CHRM3: variants seen among roughly 807,000 people sequenced by gnomAD.
The protein encoded by CHRM3 is muscarinic acetylcholine receptor M3.
In CHRM3, 11 loss-of-function variants were observed where a neutral mutation model predicts 41.8. The observed-to-expected ratio is 0.26, with a 90% confidence interval of 0.17 to 0.44. CHRM3 has a LOEUF of 0.44. Among genes scored for constraint, CHRM3 ranks in the 20% least tolerant of loss-of-function variants. CHRM3 has a pLI of 1.00. For missense variants in CHRM3, 571 were observed against 745.4 expected (o/e 0.77, Z 2.72); for synonymous variants, 297 against 301.4 (o/e 0.99, Z 0.15).
intron 1 of CHRM3, among the ~76,000 whole-genome samples, chr1:239,492,208 ATACCTACC>A (rs199732269): frequency 6.6e-6 from 1 of 152,096 alleles, no homozygotes; most frequent in Non-Finnish European, 1.5e-5. Context: ...AAGTCAGCAG[ATACCTACC>A]TACCTACCTA....
intron 5 of CHRM3, among the ~76,000 whole-genome samples, chr1:239,696,525 T>A (rs1660207248): frequency 6.6e-6 from 1 of 152,090 alleles, no homozygotes; most frequent in African/African-American, 2.4e-5. Context: ...ATGAGACCTA[T>A]GAAAACACCC....
chr1:239,584,108 CTTTTTTTTTT>C (rs769127124), intron 3 of CHRM3, among the ~76,000 whole-genome samples: 1 of 124,424 alleles, frequency 8.0e-6, no homozygotes, highest in African/African-American at 3.2e-5. Flanking sequence ...TCTTCTTCTT[CTTTTTTTTTT>C]TTTTTTTTTT....
At chr1:239,833,172 G>A (rs1401640801) in intron 6 of CHRM3, among the ~76,000 whole-genome samples, 3 of 152,190 alleles carry the variant, frequency 2.0e-5, no homozygotes, top group African/African-American at 7.2e-5. Flanking sequence ...CTTGTTGTAA[G>A]TATGGGCCAG....
chr1:239,481,004 A>G (rs898586091), intron 1 of CHRM3, among the ~76,000 whole-genome samples: 1 of 152,242 alleles, frequency 6.6e-6, no homozygotes, highest in African/African-American at 2.4e-5. Flanking sequence ...CATTATTTAC[A>G]TGAACAGAAG....
intron 4 of CHRM3, among the ~76,000 whole-genome samples, chr1:239,653,926 A>G (rs1672469913): frequency 6.6e-6 from 1 of 152,230 alleles, no homozygotes; most frequent in Non-Finnish European, 1.5e-5. Flanking sequence ...CAAAGCTTGA[A>G]GCACATGAAG....
intron 6 of CHRM3, among the ~76,000 whole-genome samples, chr1:239,854,348 A>T (rs1572495706): frequency 6.6e-6 from 1 of 152,128 alleles, no homozygotes; most frequent in East Asian, 1.9e-4. Context: ...TGTGCCAGAG[A>T]CTATTCTGTC....
chr1:239,856,514 C>T (rs758977358), intron 6 of CHRM3, among the ~76,000 whole-genome samples: 2 of 152,084 alleles, frequency 1.3e-5, no homozygotes, highest in Non-Finnish European at 2.9e-5. Context: ...TTTCCTGAGG[C>T]CTTTCCAACC....
At chr1:239,792,968 A>G (rs1005354374) in intron 5 of CHRM3, among the ~76,000 whole-genome samples, 1 of 152,212 alleles carries the variant, frequency 6.6e-6, no homozygotes, top group Non-Finnish European at 1.5e-5. Flanking sequence ...TAGGAAGCCA[A>G]ATCCTAAACT....
chr1:239,887,141 TC>T (rs1207037926), intron 6 of CHRM3, among the ~76,000 whole-genome samples: 1 of 152,120 alleles, frequency 6.6e-6, no homozygotes, highest in African/African-American at 2.4e-5. Flanking sequence ...TCTTCTTTTC[TC>T]CTTTTTTGAA....
In CHRM3 at chr1:239,641,919, G is replaced by A. The variant is rs1276915911; in HGVS notation, c.-250+9633G>A. Among the ~76,000 whole-genome samples the A allele has an allele frequency of 1.8e-4, 23 of 126,592 alleles. 2 individuals are homozygous for A. The highest frequency in any genetic ancestry group is 4.4e-4 in the African/African-American group (14 of 31,524). The allele number at this position is 126,592 out of a possible 152,430, so 83.0% of individuals were successfully genotyped here. A position where few individuals can be genotyped will look rare whatever the true frequency, so the allele number is the denominator to read the frequency against. ...TGGCTGGTACCGGTTGTTCCTTTCCGTGTTTAGTGCTTCCTTCAGGAGCTC... is the reference window on the plus strand; with the variant it reads ...TGGCTGGTACCGGTTGTTCCTTTCCATGTTTAGTGCTTCCTTCAGGAGCTC... On this transcript the variant is annotated intron_variant, in intron 4 of 6. Transcript: ENST00000676153.
chr1:239,574,411 T>C (rs992771806), intron 3 of CHRM3, among the ~76,000 whole-genome samples: 2 of 152,054 alleles, frequency 1.3e-5, no homozygotes, highest in Non-Finnish European at 2.9e-5. Flanking sequence ...GATTCCACCC[T>C]GGGGCCCTTT....
At chr1:239,640,962 T>C (rs558662005) in intron 4 of CHRM3, among the ~76,000 whole-genome samples, 1 of 151,206 alleles carries the variant, frequency 6.6e-6, no homozygotes, top group Non-Finnish European at 1.5e-5. Flanking sequence ...TCTGGTATGT[T>C]GTGTCTTTGT....
At chr1:239,860,073 T>C (rs1054697569) in intron 6 of CHRM3, among the ~76,000 whole-genome samples, 1 of 152,024 alleles carries the variant, frequency 6.6e-6, no homozygotes, top group Non-Finnish European at 1.5e-5. Flanking sequence ...CTCTAAATTG[T>C]ATGCAGCCAC....
chr1:239,451,784 G>T (rs891225008), intron 1 of CHRM3, among the ~76,000 whole-genome samples: 3 of 152,020 alleles, frequency 2.0e-5, no homozygotes, highest in South Asian at 4.1e-4. Flanking sequence ...TATGAGTAAA[G>T]TAATTAAAAA....
chr1:239,774,721 C>T (rs914291531), intron 5 of CHRM3, among the ~76,000 whole-genome samples: 46 of 152,200 alleles, frequency 3.0e-4, no homozygotes, highest in Middle Eastern at 3.4e-3. Context: ...GGGGGAAGTC[C>T]CTCAATTTAG....
chr1:239,471,820 T>TG (rs1416329029), intron 1 of CHRM3, among the ~76,000 whole-genome samples: 1 of 152,194 alleles, frequency 6.6e-6, no homozygotes, highest in Non-Finnish European at 1.5e-5. Context: ...CAGTGTGTCA[T>TG]GGGCTGTGCA....
intron 1 of CHRM3, among the ~76,000 whole-genome samples, chr1:239,460,765 G>A (rs1248867463): frequency 6.6e-6 from 1 of 151,930 alleles, no homozygotes; most frequent in Non-Finnish European, 1.5e-5. Flanking sequence ...AGAAGTGGTG[G>A]GAAACAAATG....
At chr1:239,725,262 A>G (rs1226830392) in intron 5 of CHRM3, among the ~76,000 whole-genome samples, 1 of 151,978 alleles carries the variant, frequency 6.6e-6, no homozygotes. Context: ...GGTTAAATTG[A>G]AGCTTGGGAA....
intron 1 of CHRM3, among the ~76,000 whole-genome samples, chr1:239,470,663 T>TG (rs1176707653): frequency 1.3e-5 from 2 of 152,212 alleles, no homozygotes; most frequent in African/African-American, 4.8e-5. Context: ...GCAGTCTTTC[T>TG]GGGAAAGCCT....
Sources: gnomAD v4.1 joint callset for allele counts (sites outside exome capture counted in the v4.1 genomes callset) on GRCh38, gnomAD v4.1.1 for gene constraint, MANE v1.5 for transcripts, NCBI Gene and HGNC (gene_info 2026-07-23, HGNC 2026-07-21) for gene names.